LRRIQ1: variants seen among roughly 807,000 people sequenced by gnomAD.
LRRIQ1 encodes the protein leucine rich repeats and IQ motif containing 1, also known as leucine-rich repeat- and IQ domain-containing protein 1.
LRRIQ1 carries 210 observed loss-of-function variants against 211.9 expected under a neutral mutation model. The ratio of observed to expected loss-of-function variants is 0.99; its 90% CI spans 0.89 to 1.11. LRRIQ1 has a LOEUF of 1.11. Ranked by LOEUF, LRRIQ1 falls within the 50% of genes most tolerant of loss-of-function variation. LRRIQ1 has a pLI of 0.00. For synonymous variants in LRRIQ1, 699 were observed against 650.1 expected (o/e 1.08, Z -1.14); for missense variants, 2,136 against 1,939.5 (o/e 1.10, Z -1.90).
intron 24 of LRRIQ1, among the ~76,000 whole-genome samples, chr12:85,193,469 A>T (rs1411172591): frequency 0.013 from 1,872 of 138,724 alleles, 46 homozygotes; most frequent in African/African-American, 0.048. Context: ...CTAACAGTGG[A>T]TCTCTCGGCA....
chr12:85,202,159 A>T (rs1893330885), intron 24 of LRRIQ1, among the ~76,000 whole-genome samples: 1 of 151,814 alleles, frequency 6.6e-6, no homozygotes. Context: ...GTATAAATTC[A>T]GTTGTTGTTG....
Position 85,121,717 on chromosome 12 carries a change from T to C in LRRIQ1, c.3398T>C (p.Leu1133Ser), listed in dbSNP as rs1888000819. The C allele has an allele frequency of 8.2e-6, 13 of 1,591,622 alleles. No individual in the cohort carries two copies. In the East Asian group the frequency reaches 2.9e-4, roughly 36 times the overall value. Residue 1133 changes from leucine to serine, a missense_variant, in exon 16 of 27, where the codon TTG becomes TCG. Leu to Ser is a moderately radical substitution (Grantham distance 145). Coordinates refer to ENST00000393217, the MANE Select transcript of LRRIQ1 (RefSeq NM_001079910.2). ...AATAGGGATTCTCTACTTAAAGTGT[T>C]GCCTGCTCTGAGAATCCTCAATGGC... ...TNWRDSLLKV[L>S]PALRILNGNI...
intron 15 of LRRIQ1, among the ~76,000 whole-genome samples, chr12:85,115,308 C>T (rs1887493961): frequency 6.6e-6 from 1 of 152,086 alleles, no homozygotes. Context: ...AACTTGAGGC[C>T]AATCCATGCA....
chr12:85,108,427 C>T (rs1482590755), intron 15 of LRRIQ1, among the ~76,000 whole-genome samples: 1 of 152,110 alleles, frequency 6.6e-6, no homozygotes, highest in Non-Finnish European at 1.5e-5. Flanking sequence ...TGTGCCCGGT[C>T]TTCTATGTAT....
At chr12:85,173,915 T>G (rs368141587) in intron 24 of LRRIQ1, among the ~76,000 whole-genome samples, 333 of 152,144 alleles carry the variant, frequency 2.2e-3, no homozygotes, top group African/African-American at 7.8e-3. Flanking sequence ...TTCTTATCAG[T>G]GCAAGAGGAA....
At chr12:85,044,865 T>A (rs1879347155) in intron 4 of LRRIQ1, 56 bp downstream of exon 4, 1 of 763,456 alleles carries the variant, frequency 1.3e-6, no homozygotes. Context: ...AAATTTTCTC[T>A]CTTACACAAG....
In LRRIQ1 at chr12:85,244,896, A is replaced by G. The variant is rs1268844996; in HGVS notation, c.5124A>G (p.Ser1708=). Reference sequence around the variant, plus strand: ...AAAAAAATCAGGCACACAGACACTCAGCAGGATCTTCAAGTAAGTTGTGGT... The same window carrying G: ...AAAAAAATCAGGCACACAGACACTCGGCAGGATCTTCAAGTAAGTTGTGGT... ...REKKNQAHRH[S]AGSSSKLWFP... Residue 1708 remains serine (S), a synonymous_variant, in exon 27 of 27, where the codon TCA becomes TCG. Transcript: ENST00000393217. 8.1e-6 allele frequency: 13 copies of G among 1,611,422 alleles called. No individual in the cohort carries two copies. Among genetic ancestry groups the G allele is most frequent in the Admixed American group, 1.7e-5 (1 of 59,714 alleles).
intron 24 of LRRIQ1, among the ~76,000 whole-genome samples, chr12:85,227,423 A>G (rs1426607997): frequency 5.9e-5 from 9 of 152,262 alleles, no homozygotes; most frequent in East Asian, 3.9e-4. Context: ...CTGATGGCCA[A>G]TGATGATGAG....
At chr12:85,058,271 T>C (rs767270635) in intron 8 of LRRIQ1, among the ~76,000 whole-genome samples, 1 of 151,974 alleles carries the variant, frequency 6.6e-6, no homozygotes, top group Non-Finnish European at 1.5e-5. Flanking sequence ...TCCTGGGTAA[T>C]GTATTTGCCA....
Position 85,191,763 on chromosome 12 carries a change from G to A in LRRIQ1, c.4822+31049G>A, listed in dbSNP as rs542296649. 4.6e-5 allele frequency among the ~76,000 whole-genome samples: 7 copies of A among 152,026 alleles called. No individual in the cohort carries two copies. The East Asian group carries it at 1.4e-3, about 29-fold the overall frequency. ...GACTGTACCATTTTCATTTTCACCAGCAATGAATGACAGTCCTGTCATTCT... is the reference window on the plus strand; with the variant it reads ...GACTGTACCATTTTCATTTTCACCAACAATGAATGACAGTCCTGTCATTCT... On this transcript the variant is annotated intron_variant, in intron 24 of 26. Transcript: ENST00000393217.
At chr12:85,107,406 T>G (rs1215791326) in intron 15 of LRRIQ1, among the ~76,000 whole-genome samples, 2 of 152,160 alleles carry the variant, frequency 1.3e-5, no homozygotes, top group Non-Finnish European at 2.9e-5. Flanking sequence ...TCATTGTTTC[T>G]GGTGAGAAAT....
chr12:85,194,740 C>G (rs28883874), intron 24 of LRRIQ1, among the ~76,000 whole-genome samples: 1 of 151,832 alleles, frequency 6.6e-6, no homozygotes, highest in South Asian at 2.1e-4. Flanking sequence ...AAAATTGACA[C>G]CCTAACATCA....
intron 24 of LRRIQ1, among the ~76,000 whole-genome samples, chr12:85,197,832 T>C (rs7970775): frequency 7.7e-6 from 1 of 130,130 alleles, no homozygotes; most frequent in African/African-American, 3.1e-5. Flanking sequence ...AATAAAAAAA[T>C]AAAAAATATT....
intron 17 of LRRIQ1, among the ~76,000 whole-genome samples, chr12:85,125,152 C>T (rs1282445651): frequency 6.6e-6 from 1 of 151,956 alleles, no homozygotes; most frequent in Non-Finnish European, 1.5e-5. Flanking sequence ...GCACTCCAGC[C>T]AGGGTGACAG....
intron 11 of LRRIQ1, among the ~76,000 whole-genome samples, chr12:85,080,927 C>A (rs1039523925): frequency 1.3e-5 from 2 of 151,698 alleles, no homozygotes; most frequent in African/African-American, 4.8e-5. Flanking sequence ...AATTGTGGAA[C>A]CAATTAGAGG....
chr12:85,227,719 T>A (rs1894732901), intron 24 of LRRIQ1, among the ~76,000 whole-genome samples: 1 of 151,974 alleles, frequency 6.6e-6, no homozygotes, highest in African/African-American at 2.4e-5. Context: ...GCCAACACAA[T>A]CCTAAGCCAA....
At position 85,044,738 on chromosome 12, in the gene LRRIQ1, T is replaced by G. The variant is rs543706611; in HGVS notation, c.265T>G (p.Ser89Ala). ...TCTAGGCTGTAGTTATGGAGCAGTT[T>G]CTAATAATCATATGCATTTAAGAAC... ...DILSCSYGAV[S>A]NNHMHLRTGL... The change falls in exon 4 of 27, where the codon TCT becomes GCT. Residue 89 changes from serine (S) to alanine (A), a missense_variant. Transcript: ENST00000393217. 2 of 1,562,408 alleles carry G rather than the reference T, an allele frequency of 1.3e-6. No homozygotes were observed. Among genetic ancestry groups the G allele is most frequent in the East Asian group, 2.3e-5 (1 of 44,046 alleles).
intron 13 of LRRIQ1, among the ~76,000 whole-genome samples, chr12:85,103,159 T>C (rs1188334782): frequency 1.3e-5 from 2 of 150,422 alleles, no homozygotes; most frequent in Non-Finnish European, 1.5e-5. Context: ...TTGTTTCCAA[T>C]GACGTGGGTA....
intron 24 of LRRIQ1, among the ~76,000 whole-genome samples, chr12:85,228,783 G>A (rs1420553806): frequency 6.6e-6 from 1 of 152,088 alleles, no homozygotes; most frequent in African/African-American, 2.4e-5. Flanking sequence ...GACTTTTTAT[G>A]TACAAACATC....
Sources: gnomAD v4.1 joint callset for allele counts (sites outside exome capture counted in the v4.1 genomes callset) on GRCh38, gnomAD v4.1.1 for gene constraint, MANE v1.5 for transcripts, NCBI Gene and HGNC (gene_info 2026-07-23, HGNC 2026-07-21) for gene names.